Variants in TRPM7 observed in about 807,000 individuals in gnomAD.
The protein encoded by TRPM7 is LTRPC ion channel family member 7.
TRPM7 carries 134 observed loss-of-function variants against 229.7 expected under a neutral mutation model. The ratio of observed to expected loss-of-function variants is 0.58; its 90% confidence interval spans 0.51 to 0.67. The LOEUF (loss-of-function observed/expected upper bound fraction) is 0.67. TRPM7 is among the 30% of genes least tolerant of loss of function. TRPM7 has a pLI of 0.00. For synonymous variants in TRPM7, 699 were observed against 715.2 expected (o/e 0.98, Z 0.36); for missense variants, 1,901 against 2,210.0 (o/e 0.86, Z 2.80).
At chr15:50,643,284 T>C (rs1489547379) in intron 5 of TRPM7, 56 bp downstream of exon 5, 3 of 1,437,298 alleles carry the variant, frequency 2.1e-6, no homozygotes, top group Non-Finnish European at 2.9e-6. Flanking sequence ...TGAGAGTCCG[T>C]CTCAAAAAAA....
chr15:50,622,841 G>A (rs573044624), intron 12 of TRPM7, among the ~76,000 whole-genome samples: 9 of 152,094 alleles, frequency 5.9e-5, no homozygotes, highest in Non-Finnish European at 1.2e-4. Flanking sequence ...AGCCCAGATC[G>A]TGCCACTGCG....
chr15:50,627,676 C>A (rs571560755), intron 11 of TRPM7, among the ~76,000 whole-genome samples: 3 of 151,866 alleles, frequency 2.0e-5, no homozygotes, highest in African/African-American at 7.3e-5. Context: ...ACAGACTAGA[C>A]CAGGATGATA....
chr15:50,686,205 G>A (rs1030075133), intron 1 of TRPM7, among the ~76,000 whole-genome samples: 8 of 152,222 alleles, frequency 5.3e-5, no homozygotes, highest in Non-Finnish European at 7.3e-5. Flanking sequence ...CCTGCGTCGG[G>A]CGCGCTGAGG....
intron 1 of TRPM7, among the ~76,000 whole-genome samples, chr15:50,685,100 T>C (rs1263029473): frequency 6.6e-6 from 1 of 152,230 alleles, no homozygotes; most frequent in East Asian, 1.9e-4. Flanking sequence ...ATTCACATGG[T>C]TGAAGCTGTT....
At chr15:50,655,898 G>C (rs756067336) in intron 3 of TRPM7, among the ~76,000 whole-genome samples, 1 of 151,920 alleles carries the variant, frequency 6.6e-6, no homozygotes, top group Non-Finnish European at 1.5e-5. Flanking sequence ...GCTGAGGCAG[G>C]AGAATCACTT....
rs1348333110 is a variant in TRPM7, at chr15:50,574,844, A to C, written c.5019+8T>G. ...ATGTTCCACTATTAAATATTCACTG[A>C]CACTTACTCTCAGACAGAGATGCAG... On this transcript the variant is annotated splice_region_variant and intron_variant, in intron 34 of 38. Transcript: ENST00000646667. 4 of 1,604,550 alleles carry C rather than the reference A, an allele frequency of 2.5e-6. No homozygotes were observed. Among genetic ancestry groups the C allele is most frequent in the African/African-American group, 1.3e-5 (1 of 74,254 alleles).
In TRPM7 at chr15:50,575,723, C is replaced by T; in HGVS notation, c.4735+1G>A. On this transcript the variant is annotated splice_donor_variant, in intron 33 of 38. Transcript: ENST00000646667. LOFTEE classifies it high-confidence loss of function. ...TTTATTTCTTTAATTTTTGGATTTA[C>T]CTCTTGGAGGCACAGGTGTAAATGG... 1 of 1,609,344 alleles carries T rather than the reference C, an allele frequency of 6.2e-7. No individual in the cohort carries two copies. Among genetic ancestry groups the T allele is most frequent in the Non-Finnish European group, 8.5e-7 (1 of 1,178,452 alleles).
chr15:50,675,350 A>C (rs2062070691), intron 1 of TRPM7, among the ~76,000 whole-genome samples: 1 of 152,040 alleles, frequency 6.6e-6, no homozygotes, highest in South Asian at 2.1e-4. Context: ...TTTCAAAAAA[A>C]AAAAAAGAAA....
Position 50,631,495 on chromosome 15 carries a change from T to C in TRPM7, c.1132-6A>G, listed in dbSNP as rs1429912561. ...CCAATATGGAAAACAGTGATCTATT[T>C]AAAGATAAATTTATAACATTATGCC... On this transcript the variant is annotated splice_polypyrimidine_tract_variant and splice_region_variant and intron_variant, in intron 9 of 38. Transcript: ENST00000646667. 6.4e-7 allele frequency: 1 copy of C among 1,574,152 alleles called. No homozygotes were observed. Among genetic ancestry groups the C allele is most frequent in the South Asian group, 1.1e-5 (1 of 89,520 alleles).
intron 17 of TRPM7, among the ~76,000 whole-genome samples, chr15:50,610,595 T>C (rs559949868): frequency 1.3e-5 from 2 of 152,254 alleles, no homozygotes; most frequent in South Asian, 2.1e-4. Flanking sequence ...GCAGTATCTA[T>C]CACCATGACA....
Position 50,664,817 on chromosome 15 carries a change from C to T in TRPM7, c.4-1771G>A, listed in dbSNP as rs1314634720. Among the ~76,000 whole-genome samples, 9 of 152,060 alleles carry T rather than the reference C, an allele frequency of 5.9e-5. No individual in the cohort carries two copies. The South Asian group carries it at 1.5e-3, about 25-fold the overall frequency. ...TCTACAAAAAAATTAAACAGTCAGC[C>T]GGGTGTGGTGGTGCACACCTATAGT... On this transcript the variant is annotated intron_variant, in intron 1 of 38. Coordinates refer to ENST00000646667, the MANE Select transcript of TRPM7 (RefSeq NM_017672.6).
rs749425650 is a variant in TRPM7, at chr15:50,611,303, G to A, written c.2070C>T (p.Ala690=). ...KQYSNDFGQL[A]VELLEQSFRQ... Reference sequence around the variant, plus strand: ...TGAAGGACTGTTCTAATAATTCAACGGCCAACTGACCAAAATCACTATAAA... The same window carrying A: ...TGAAGGACTGTTCTAATAATTCAACAGCCAACTGACCAAAATCACTATAAA... Residue 690 remains alanine (A), a synonymous_variant, in exon 17 of 39, where the codon GCC becomes GCT. Transcript: ENST00000646667. 24 of 1,612,922 alleles carry A rather than the reference G, an allele frequency of 1.5e-5. No homozygotes were observed. The highest frequency in any genetic ancestry group is 6.7e-5 in the East Asian group (3 of 44,816).
chr15:50,647,904 T>G (rs1225504672), intron 4 of TRPM7, among the ~76,000 whole-genome samples: 1 of 152,198 alleles, frequency 6.6e-6, no homozygotes, highest in South Asian at 2.1e-4. Context: ...TCCTTAACAG[T>G]GCAATTTAAC....
At chr15:50,618,317 TC>T (rs1212405951) in intron 13 of TRPM7, among the ~76,000 whole-genome samples, 2 of 152,026 alleles carry the variant, frequency 1.3e-5, no homozygotes, top group Non-Finnish European at 2.9e-5. Flanking sequence ...ACGCCTGTAA[TC>T]CCAGCACTTT....
rs971268957 is a variant in TRPM7 at position 50,582,963 on chromosome 15, C to T, written c.4557+126G>A. On this transcript the variant is annotated intron_variant, in intron 29 of 38. Transcript: ENST00000646667. Reference sequence around the variant, plus strand: ...TCTGTAACTGCTACTATGCTAAAGTCAGTTTTCTTAAGAAAAATTTTTTTG... The same window carrying T: ...TCTGTAACTGCTACTATGCTAAAGTTAGTTTTCTTAAGAAAAATTTTTTTG... 1.4e-5 allele frequency: 8 copies of T among 566,354 alleles called. No homozygotes were observed. In the Admixed American group the frequency reaches 1.6e-4, roughly 11 times the overall value. The allele number at this position is 566,354 out of a possible 1,614,324, so 35.1% of individuals were successfully genotyped here. A position where few individuals can be genotyped will look rare whatever the true frequency, so the allele number is the denominator to read the frequency against.
chr15:50,578,802 T>C (rs1022865405), intron 30 of TRPM7, 138 bp from the exon 31 acceptor site: 12 of 418,168 alleles, frequency 2.9e-5, no homozygotes, highest in South Asian at 2.7e-4. Flanking sequence ...CTTTGAATAT[T>C]TGCCATTTCC....
At chr15:50,568,106 T>A (rs1596054252) in intron 38 of TRPM7, among the ~76,000 whole-genome samples, 1 of 93,226 alleles carries the variant, frequency 1.1e-5, no homozygotes, top group Non-Finnish European at 2.2e-5. Context: ...AGCGAGACTC[T>A]GTCTCAAAAA....
chr15:50,621,623 G>T (rs768150294), intron 12 of TRPM7, among the ~76,000 whole-genome samples: 1 of 152,144 alleles, frequency 6.6e-6, no homozygotes, highest in Non-Finnish European at 1.5e-5. Context: ...GATATTGTGA[G>T]ATTGAATTCA....
intron 1 of TRPM7, among the ~76,000 whole-genome samples, chr15:50,677,994 C>G (rs1056679423): frequency 4.0e-5 from 6 of 151,858 alleles, no homozygotes; most frequent in African/African-American, 1.4e-4. Context: ...AATCCCAGCA[C>G]TTTGGGAGGC....
Sources: allele counts gnomAD v4.1 joint callset (sites outside exome capture counted in the v4.1 genomes callset), GRCh38; gene constraint gnomAD v4.1.1; transcripts MANE v1.5; gene names NCBI Gene and HGNC (gene_info 2026-07-23, HGNC 2026-07-21).